Variants in ZNF479 observed in about 807,000 individuals in gnomAD.
The protein encoded by ZNF479 is KRAB zinc finger protein KR19.
Under a neutral mutation model 14.7 loss-of-function variants are expected in ZNF479, and 15 were observed. The observed-to-expected ratio is 1.02, with a 90% CI of 0.68 to 1.57. ZNF479 has a LOEUF of 1.57. Ranked by LOEUF, ZNF479 falls within the 40% of genes most tolerant of loss-of-function variation. ZNF479 has a pLI of 0.00. For synonymous variants in ZNF479, 145 were observed against 211.5 expected (o/e 0.69, Z 2.73); for missense variants, 506 against 615.1 (o/e 0.82, Z 1.88).
chr7:57,123,241 G>C (rs1298369332), intron 3 of ZNF479, among the ~76,000 whole-genome samples: 1 of 152,164 alleles, frequency 6.6e-6, no homozygotes, highest in Non-Finnish European at 1.5e-5. Context: ...GTGTGAGGTG[G>C]AGGAGCCAGG....
intron 3 of ZNF479, among the ~76,000 whole-genome samples, chr7:57,123,500 C>T (rs1383651426): frequency 1.3e-5 from 2 of 152,188 alleles, no homozygotes; most frequent in Non-Finnish European, 2.9e-5. Flanking sequence ...TTCTTATTTG[C>T]ACCTGGTGCG....
At chr7:57,133,371 A>T (rs898957855), upstream of ZNF479, among the ~76,000 whole-genome samples, 10 of 151,094 alleles carry the variant, frequency 6.6e-5, no homozygotes, top group Admixed American at 6.0e-4. Flanking sequence ...TTTCCCAAGG[A>T]TTCTGCAGCC....
intron 1 of ZNF479, among the ~76,000 whole-genome samples, chr7:57,127,926 T>TAC (rs1786244599): frequency 1.3e-5 from 1 of 76,910 alleles, no homozygotes; most frequent in Non-Finnish European, 2.6e-5. Flanking sequence ...AATTTTATTA[T>TAC]ATATATATAT....
chr7:57,136,642 T>C (rs1786666074), upstream of ZNF479, among the ~76,000 whole-genome samples: 1 of 152,206 alleles, frequency 6.6e-6, no homozygotes, highest in Non-Finnish European at 1.5e-5. Context: ...GGAGGCTTCT[T>C]CTGGGAGACT....
At chr7:57,135,835 G>A (rs1786621357), upstream of ZNF479, among the ~76,000 whole-genome samples, 1 of 152,104 alleles carries the variant, frequency 6.6e-6, no homozygotes, top group Admixed American at 6.5e-5. Flanking sequence ...CTTGAGAGCA[G>A]ATGGGACTGC....
rs183798088 is a variant in ZNF479, at chr7:57,119,055, G to A, written c.*785C>T. On this transcript the variant is annotated 3_prime_UTR_variant, in exon 4 of 4. Coordinates refer to ENST00000319636, the MANE Select transcript of ZNF479 (RefSeq NM_001370129.2). ...GAGTAAGCATGGAGAACCAGTTAAA[G>A]GGTTTGCCACATTTTTTTCTGCAAT... Among the ~76,000 whole-genome samples the A allele has an allele frequency of 3.6e-3, 548 of 152,214 alleles. 6 individuals carry two copies. Among genetic ancestry groups the A allele is most frequent in the African/African-American group, 0.013 (523 of 41,566 alleles).
At chr7:57,128,819 G>A (rs1381464252) in intron 1 of ZNF479, among the ~76,000 whole-genome samples, 1 of 152,228 alleles carries the variant, frequency 6.6e-6, no homozygotes, top group Non-Finnish European at 1.5e-5. Flanking sequence ...AAAGGCAGCA[G>A]TGGACACTGC....
chr7:57,127,935 ATAT>A (rs1156374511), intron 1 of ZNF479, among the ~76,000 whole-genome samples: 42 of 74,298 alleles, frequency 5.7e-4, no homozygotes, highest in East Asian at 5.5e-3. Flanking sequence ...ATATATATAT[ATAT>A]TTTTTTTTTT....
Position 57,120,557 on chromosome 7 carries a change from G to C in ZNF479, c.858C>G (p.Asn286Lys). Residue 286 changes from asparagine to lysine, a missense_variant, in exon 4 of 4, where the codon AAC becomes AAG. Asn to Lys is a moderately conservative substitution (Grantham distance 94). Transcript: ENST00000319636. ...QAFRRSSALT[N>K]HKRIHTGERP... ...TCTCTCCAGTATGAATTCTCTTGTG[G>C]TTAGTAAGTGCTGAGGAGCGCCTAA... The C allele has an allele frequency of 6.2e-7, 1 of 1,609,908 alleles. No individual in the cohort carries two copies. The highest frequency in any genetic ancestry group is 8.5e-7 in the Non-Finnish European group (1 of 1,179,044).
intron 1 of ZNF479, among the ~76,000 whole-genome samples, chr7:57,138,767 T>C (rs1291043296): frequency 6.6e-6 from 1 of 152,294 alleles, no homozygotes; most frequent in Non-Finnish European, 1.5e-5. Context: ...GTTGTGACTA[T>C]TGGATGCACA....
chr7:57,120,270 G>A lies in ZNF479; in HGVS notation c.1145C>T (p.Thr382Ile), dbSNP rs539820985. 43 of 1,611,062 alleles carry A rather than the reference G, an allele frequency of 2.7e-5. No homozygotes were observed. In the Admixed American group the frequency reaches 4.0e-4, roughly 15 times the overall value. Residue 382 changes from threonine (T) to isoleucine (I), a missense_variant, in exon 4 of 4, where the codon ACA becomes ATA. Coordinates refer to ENST00000319636, the MANE Select transcript of ZNF479 (RefSeq NM_001370129.2). Reference protein sequence around the residue: ...RRIHTGEKPYTCEECGQDFRR... With the variant: ...RRIHTGEKPYICEECGQDFRR... ...AAAGTCTTGGCCACATTCTTCACAT[G>A]TGTAGGGTTTCTCTCCAGTATGAAT...
In ZNF479 at chr7:57,119,317, C is replaced by T. The variant is rs55830533; in HGVS notation, c.*523G>A. On this transcript the variant is annotated 3_prime_UTR_variant, in exon 4 of 4. Coordinates refer to ENST00000319636, the MANE Select transcript of ZNF479 (RefSeq NM_001370129.2). ...TGAGATGTGCTTAAAGGTTTTGTCA[C>T]TTTTTTTATGTTTCTAGGGTCTCTG... is the stretch of plus-strand genomic sequence containing the variant. Among the ~76,000 whole-genome samples the T allele has an allele frequency of 6.6e-6, 1 of 152,124 alleles. No individual in the cohort carries two copies. Among genetic ancestry groups the T allele is most frequent in the South Asian group, 2.1e-4 (1 of 4,820 alleles).
At chr7:57,121,989 G>T (rs1158370215) in intron 3 of ZNF479, among the ~76,000 whole-genome samples, 1 of 151,732 alleles carries the variant, frequency 6.6e-6, no homozygotes, top group Non-Finnish European at 1.5e-5. Flanking sequence ...ACAAGGTGGA[G>T]GTAAAAAAGA....
intron 1 of ZNF479, chr7:57,127,468 C>T: frequency 1.2e-6 from 1 of 834,292 alleles, no homozygotes; most frequent in Non-Finnish European, 1.4e-6. Context: ...GATTTTGTTT[C>T]AGGAGATTTC....
intron 1 of ZNF479, among the ~76,000 whole-genome samples, chr7:57,138,055 T>C (rs993480859): frequency 1.3e-5 from 2 of 152,176 alleles, no homozygotes; most frequent in Non-Finnish European, 2.9e-5. Flanking sequence ...GATGTGACTT[T>C]TATTGACAGG....
upstream of ZNF479, among the ~76,000 whole-genome samples, chr7:57,133,221 G>GT (rs1562852304): frequency 1.3e-5 from 2 of 152,174 alleles, no homozygotes; most frequent in Non-Finnish European, 2.9e-5. Flanking sequence ...TCCTCATGCT[G>GT]TTCTGGTGGT....
rs782313162 is a variant in ZNF479 at position 57,120,359 on chromosome 7, G to A, written c.1056C>T (p.Pro352=). The A allele has an allele frequency of 6.2e-7, 1 of 1,613,398 alleles. No homozygotes were observed. Among genetic ancestry groups the A allele is most frequent in the Non-Finnish European group, 8.5e-7 (1 of 1,179,752 alleles). Residue 352 remains proline (P), a synonymous_variant, in exon 4 of 4, where the codon CCC becomes CCT. Transcript: ENST00000319636. The stretch of plus-strand genomic sequence containing the variant: ...CTTGGCCACATTCTTCACAGGCATA[G>A]GGTTTCTCTCTAGTATGAATTCTCT... ...RHKRIHTREK[P]YACEECGQAF...
chr7:57,128,874 T>G (rs371451729), intron 1 of ZNF479, among the ~76,000 whole-genome samples: 17 of 152,206 alleles, frequency 1.1e-4, no homozygotes, highest in African/African-American at 3.9e-4. Flanking sequence ...GATTTGTTTC[T>G]TTTCCTCCTC....
At chr7:57,130,816 C>T (rs953283868) in intron 1 of ZNF479, among the ~76,000 whole-genome samples, 4 of 152,174 alleles carry the variant, frequency 2.6e-5, no homozygotes, top group African/African-American at 4.8e-5. Flanking sequence ...ATGTTTATTA[C>T]AGCACGATTC....
Sources: gnomAD v4.1 joint callset for allele counts (sites outside exome capture counted in the v4.1 genomes callset) on GRCh38, gnomAD v4.1.1 for gene constraint, MANE v1.5 for transcripts, NCBI Gene and HGNC (gene_info 2026-07-23, HGNC 2026-07-21) for gene names.